Variants in TRHDE observed in about 807,000 individuals in gnomAD.
TRHDE encodes thyrotropin-releasing hormone-degrading ectoenzyme.
Under a neutral mutation model 125.7 loss-of-function variants are expected in TRHDE, and 72 were observed. That is an observed-to-expected ratio of 0.57 (90% confidence interval 0.47 to 0.70). TRHDE has a LOEUF of 0.70. Ranked by LOEUF, TRHDE falls within the 30% of genes least tolerant of loss-of-function variation. The pLI, the probability that TRHDE is intolerant of heterozygous loss-of-function variation, is 0.00. For missense variants in TRHDE, 1,110 were observed against 1,327.1 expected (o/e 0.84, Z 2.54); for synonymous variants, 509 against 509.1 (o/e 1.00, Z 0.00).
chr12:72,525,063 T>C (rs1868308875), intron 6 of TRHDE, among the ~76,000 whole-genome samples: 1 of 152,156 alleles, frequency 6.6e-6, no homozygotes, highest in Non-Finnish European at 1.5e-5. Flanking sequence ...ATGATGCATT[T>C]ATCCATCCAA....
At chr12:72,350,691 T>C (rs1299312047) in intron 2 of TRHDE, among the ~76,000 whole-genome samples, 2 of 151,954 alleles carry the variant, frequency 1.3e-5, no homozygotes, top group African/African-American at 2.4e-5. Flanking sequence ...TGAGGCTTGA[T>C]AGAAAAAATA....
intron 2 of TRHDE, among the ~76,000 whole-genome samples, chr12:72,247,270 T>C (rs988792213): frequency 1.3e-5 from 2 of 152,194 alleles, no homozygotes; most frequent in African/African-American, 4.8e-5. Flanking sequence ...AGTACAGATG[T>C]AACTATTAAT....
At chr12:72,305,501 A>G (rs1002082537) in intron 2 of TRHDE, among the ~76,000 whole-genome samples, 2 of 152,214 alleles carry the variant, frequency 1.3e-5, no homozygotes, top group East Asian at 1.9e-4. Context: ...CTATGAATCC[A>G]GGAGGATTTT....
At chr12:72,119,007 A>G (rs1351834592) in intron 2 of TRHDE, among the ~76,000 whole-genome samples, 1 of 150,824 alleles carries the variant, frequency 6.6e-6, no homozygotes, top group Admixed American at 6.6e-5. Flanking sequence ...TGATGTGTTG[A>G]TCTTTTGTAT....
At chr12:72,606,473 G>C (rs1267915579) in intron 12 of TRHDE, among the ~76,000 whole-genome samples, 1 of 152,144 alleles carries the variant, frequency 6.6e-6, no homozygotes, top group South Asian at 2.1e-4. Context: ...GCACTTTACA[G>C]TTTACGAAAT....
At chr12:72,643,446 G>A (rs1291044227) in intron 15 of TRHDE, among the ~76,000 whole-genome samples, 1 of 152,142 alleles carries the variant, frequency 6.6e-6, no homozygotes, top group Admixed American at 6.5e-5. Flanking sequence ...TTCAAAGTAT[G>A]CAGTCTTTCT....
At chr12:72,238,523 CTAA>C (rs1464634273) in intron 2 of TRHDE, among the ~76,000 whole-genome samples, 1 of 150,848 alleles carries the variant, frequency 6.6e-6, no homozygotes, top group Non-Finnish European at 1.5e-5. Context: ...GGTATTTCTC[CTAA>C]TGCTATCCCT....
chr12:72,436,283 G>T (rs547253408), intron 3 of TRHDE, among the ~76,000 whole-genome samples: 1 of 151,810 alleles, frequency 6.6e-6, no homozygotes, highest in Admixed American at 6.6e-5. Context: ...TTAACATGTC[G>T]TGGTTTTTTC....
intron 12 of TRHDE, among the ~76,000 whole-genome samples, chr12:72,585,142 C>T (rs1343175944): frequency 6.6e-6 from 1 of 152,146 alleles, no homozygotes; most frequent in South Asian, 2.1e-4. Flanking sequence ...GGACTATAGC[C>T]TCTACAAGTC....
chr12:72,411,568 A>G (rs1316668917), intron 3 of TRHDE, among the ~76,000 whole-genome samples: 1 of 152,146 alleles, frequency 6.6e-6, no homozygotes, highest in East Asian at 1.9e-4. Flanking sequence ...CAGTTGAGAC[A>G]GAATTGATTT....
intron 3 of TRHDE, among the ~76,000 whole-genome samples, chr12:72,465,629 G>A (rs1285382525): frequency 6.6e-6 from 1 of 152,202 alleles, no homozygotes; most frequent in South Asian, 2.1e-4. Context: ...GGACATTTGA[G>A]TTGTTCCTAG....
intron 2 of TRHDE, among the ~76,000 whole-genome samples, chr12:72,219,583 A>AT (rs1877962624): frequency 6.6e-6 from 1 of 152,114 alleles, no homozygotes; most frequent in African/African-American, 2.4e-5. Flanking sequence ...GGGGGTCCAC[A>AT]TGACAGGCCT....
intron 3 of TRHDE, among the ~76,000 whole-genome samples, chr12:72,404,136 G>C (rs1173964681): frequency 2.6e-5 from 4 of 152,158 alleles, no homozygotes; most frequent in Non-Finnish European, 5.9e-5. Context: ...ACCGAGGGCT[G>C]AGCTTGGTGG....
intron 2 of TRHDE, among the ~76,000 whole-genome samples, chr12:72,291,698 A>G (rs377544243): frequency 4.6e-5 from 7 of 152,278 alleles, no homozygotes; most frequent in East Asian, 3.9e-4. Flanking sequence ...TAGCATTTAC[A>G]CTGTATTGGG....
At chr12:72,573,001 GA>G (rs1239684565) in intron 10 of TRHDE, among the ~76,000 whole-genome samples, 1 of 151,362 alleles carries the variant, frequency 6.6e-6, no homozygotes, top group Non-Finnish European at 1.5e-5. Context: ...ATAACTTTTT[GA>G]AAAAAATAAC....
At chr12:72,400,005 CTG>C (rs1404930368) in intron 3 of TRHDE, among the ~76,000 whole-genome samples, 1 of 152,096 alleles carries the variant, frequency 6.6e-6, no homozygotes, top group Non-Finnish European at 1.5e-5. Flanking sequence ...AAAAATCTCT[CTG>C]GACCTCAGTT....
chr12:72,191,193 C>T (rs1346268420), intron 2 of TRHDE, among the ~76,000 whole-genome samples: 2 of 152,134 alleles, frequency 1.3e-5, no homozygotes, highest in Non-Finnish European at 2.9e-5. Flanking sequence ...TCTTAGTGGG[C>T]TCTATTGAAT....
chr12:72,443,148 G>T (rs1875101539), intron 3 of TRHDE, among the ~76,000 whole-genome samples: 1 of 151,130 alleles, frequency 6.6e-6, no homozygotes, highest in South Asian at 2.1e-4. Context: ...TACTACAATA[G>T]TATTCCATAG....
chr12:72,303,480 C>T (rs948384063), intron 2 of TRHDE, among the ~76,000 whole-genome samples: 3 of 152,232 alleles, frequency 2.0e-5, no homozygotes, highest in South Asian at 2.1e-4. Flanking sequence ...TCTTAAACTA[C>T]ATGTGCATAT....
Sources: gnomAD v4.1 joint callset for allele counts (sites outside exome capture counted in the v4.1 genomes callset) on GRCh38, gnomAD v4.1.1 for gene constraint, MANE v1.5 for transcripts, NCBI Gene and HGNC (gene_info 2026-07-23, HGNC 2026-07-21) for gene names.